The following HLF variants were observed in gnomAD, a reference collection of about 807,000 sequenced individuals.
HLF encodes hepatic leukemia factor.
Under a neutral mutation model 22.6 loss-of-function variants are expected in HLF, and 3 were observed. The observed-to-expected ratio is 0.13, with a 90% CI of 0.06 to 0.34. The LOEUF is 0.34. Among genes scored for constraint, HLF ranks in the 10% least tolerant of loss-of-function variants. The pLI is 1.00. For missense variants in HLF, 299 were observed against 389.2 expected, an observed-to-expected ratio of 0.77 and a Z score of 1.95; for synonymous variants, 151 against 151.8, an observed-to-expected ratio of 0.99 and a Z score of 0.04.
intron 2 of HLF, among the ~76,000 whole-genome samples, chr17:55,276,242 CAA>C (rs1171162681): frequency 2.6e-5 from 4 of 152,166 alleles, no homozygotes; most frequent in African/African-American, 9.7e-5. Flanking sequence ...GGAAGAGAGA[CAA>C]GAGTACAATT....
At chr17:55,305,348 A>G (rs1005714367) in intron 2 of HLF, among the ~76,000 whole-genome samples, 1 of 152,194 alleles carries the variant, frequency 6.6e-6, no homozygotes, top group Non-Finnish European at 1.5e-5. Context: ...AGAGGGAGGT[A>G]AAAGAAGGGA....
At chr17:55,273,951 C>G (rs1207707542) in intron 2 of HLF, among the ~76,000 whole-genome samples, 1 of 152,146 alleles carries the variant, frequency 6.6e-6, no homozygotes, top group African/African-American at 2.4e-5. Context: ...GCCTGTCTGC[C>G]CAGAGGCCCT....
At chr17:55,267,634 A>C (rs2080805767) in intron 1 of HLF, 117 bp from the exon 2 acceptor site, 1 of 679,860 alleles carries the variant, frequency 1.5e-6, no homozygotes, top group East Asian at 2.9e-5. Context: ...CAGCCAGAGA[A>C]GGACCCTGCC....
chr17:55,309,645 A>G (rs895747160), intron 2 of HLF, among the ~76,000 whole-genome samples: 3 of 152,144 alleles, frequency 2.0e-5, no homozygotes, highest in Non-Finnish European at 4.4e-5. Context: ...TCTAAAGGAA[A>G]CCCTTTGGCC....
Position 55,290,863 on chromosome 17 carries a change from C to G in HLF, c.451+22777C>G, listed in dbSNP as rs139006637. 5.4e-3 allele frequency among the ~76,000 whole-genome samples: 818 copies of G among 152,326 alleles called. 7 individuals are homozygous for G. Among genetic ancestry groups the G allele is most frequent in the African/African-American group, 0.019 (777 of 41,582 alleles). On this transcript the variant is annotated intron_variant, in intron 2 of 3. Transcript: ENST00000226067. ...AAGTTCTTGAAGGAAATTCAAAGCA[C>G]TACTCCAGTGAACACACAAATGATT...
chr17:55,322,809 C>T lies in HLF; in HGVS notation c.*1930C>T, dbSNP rs1257990360. On this transcript the variant is annotated 3_prime_UTR_variant, in exon 4 of 4. Coordinates refer to ENST00000226067, the MANE Select transcript of HLF (RefSeq NM_002126.5). ...CCCCAGACAGTTCTTTTCTACCCTG[C>T]GGGCCCGCACGTTTTATGAGGTTGA... 2.2e-5 allele frequency: 5 copies of T among 227,440 alleles called. No homozygotes were observed. Among genetic ancestry groups the T allele is most frequent in the South Asian group, 1.8e-4 (1 of 5,478 alleles). The allele number at this position is 227,440 out of a possible 1,614,324, so 14.1% of individuals were successfully genotyped here.
chr17:55,290,551 G>T (rs1285984521), intron 2 of HLF, among the ~76,000 whole-genome samples: 5 of 152,146 alleles, frequency 3.3e-5, no homozygotes, highest in Non-Finnish European at 1.5e-5. Context: ...CTTCATAAAT[G>T]TTACGTATGT....
At chr17:55,309,030 A>G (rs971643007) in intron 2 of HLF, among the ~76,000 whole-genome samples, 4 of 152,192 alleles carry the variant, frequency 2.6e-5, no homozygotes, top group Admixed American at 2.0e-4. Flanking sequence ...CTCAGAACTA[A>G]CACTATCATT....
In HLF at chr17:55,320,252, C is replaced by A. The variant is rs1598411880; in HGVS notation, c.673-412C>A. Reference sequence around the variant, plus strand: ...TTGATAGATATTGCCAAATTGCCTTCTAAAATTTTTGTACCAACTCATACC... The same window carrying A: ...TTGATAGATATTGCCAAATTGCCTTATAAAATTTTTGTACCAACTCATACC... On this transcript the variant is annotated intron_variant, in intron 3 of 3. Transcript: ENST00000226067. This position sits in a 1 kb window ranked among gnomAD's most constrained non-coding sequence, Gnocchi z 4.2. 6.6e-6 allele frequency among the ~76,000 whole-genome samples: 1 copy of A among 152,184 alleles called. No individual in the cohort carries two copies. The highest frequency in any genetic ancestry group is 2.4e-5 in the African/African-American group (1 of 41,448).
intron 2 of HLF, among the ~76,000 whole-genome samples, chr17:55,281,850 G>T (rs1057012036): frequency 6.6e-6 from 1 of 152,158 alleles, no homozygotes; most frequent in African/African-American, 2.4e-5. Flanking sequence ...TATCTCAGTG[G>T]CCAAAAACCA....
At chr17:55,269,877 C>A (rs1320272438) in intron 2 of HLF, among the ~76,000 whole-genome samples, 6 of 152,332 alleles carry the variant, frequency 3.9e-5, no homozygotes, top group Middle Eastern at 3.4e-3. Flanking sequence ...TTTTGACCAA[C>A]ACTTGTAATC....
chr17:55,265,178 G>T lies in HLF; in HGVS notation c.-307G>T. 2 of 254,534 alleles carry T rather than the reference G, an allele frequency of 7.9e-6. No homozygotes were observed. The highest frequency in any genetic ancestry group is 7.4e-6 in the Non-Finnish European group (1 of 134,404). The allele number at this position is 254,534 out of a possible 1,614,324, so 15.8% of individuals were successfully genotyped here. On this transcript the variant is annotated 5_prime_UTR_variant, in exon 1 of 4. Coordinates refer to ENST00000226067, the MANE Select transcript of HLF (RefSeq NM_002126.5). ...TTTTTTCTTTCTTTTTTTCAATTTT[G>T]AACATTTTGCAAAACGAGGGGTTCG...
chr17:55,292,783 C>T (rs1753830490), intron 2 of HLF, among the ~76,000 whole-genome samples: 1 of 152,124 alleles, frequency 6.6e-6, no homozygotes, highest in African/African-American at 2.4e-5. Flanking sequence ...ATATGGCATA[C>T]ATACACAATG....
At position 55,323,044 on chromosome 17, in the gene HLF, C is replaced by T. The variant is rs1474205656; in HGVS notation, c.*2165C>T. The T allele has an allele frequency of 4.5e-6, 1 of 220,268 alleles. No homozygotes were observed. Among genetic ancestry groups the T allele is most frequent in the Admixed American group, 5.8e-5 (1 of 17,302 alleles). The allele number at this position is 220,268 out of a possible 1,614,324, so 13.6% of individuals were successfully genotyped here. A position where few individuals can be genotyped will look rare whatever the true frequency, so the allele number is the denominator to read the frequency against. On this transcript the variant is annotated 3_prime_UTR_variant, in exon 4 of 4. Transcript: ENST00000226067. ...AATCCTTTAATGATCTGGTGGTCTC[C>T]TCGTCAATCCATCAGCAATGCTTCT...
At chr17:55,288,971 G>C (rs954934069) in intron 2 of HLF, 125 of 982,662 alleles carry the variant, frequency 1.3e-4, no homozygotes, top group Non-Finnish European at 1.4e-4. Context: ...TCTTAATTGG[G>C]ATTTTTAACT....
intron 2 of HLF, among the ~76,000 whole-genome samples, chr17:55,303,232 G>A (rs957720855): frequency 3.3e-5 from 5 of 152,178 alleles, no homozygotes; most frequent in African/African-American, 4.8e-5. Flanking sequence ...AGTGTGGCTT[G>A]AAATGGTCAT....
intron 2 of HLF, among the ~76,000 whole-genome samples, chr17:55,305,612 T>C (rs1904509994): frequency 1.3e-5 from 2 of 152,236 alleles, no homozygotes; most frequent in Non-Finnish European, 2.9e-5. Flanking sequence ...CCCCTGGCTT[T>C]CTAGCTGTAT....
At chr17:55,293,913 C>T (rs1310547645) in intron 2 of HLF, among the ~76,000 whole-genome samples, 1 of 152,140 alleles carries the variant, frequency 6.6e-6, no homozygotes, top group Non-Finnish European at 1.5e-5. Flanking sequence ...GCAACATATG[C>T]ACCTCTGGGG....
chr17:55,284,822 C>T (rs2080988235), intron 2 of HLF, among the ~76,000 whole-genome samples: 1 of 152,190 alleles, frequency 6.6e-6, no homozygotes, highest in Non-Finnish European at 1.5e-5. Context: ...CCACAGGGCA[C>T]AGTGAATTTG....
Sources: gnomAD v4.1 joint callset for allele counts (sites outside exome capture counted in the v4.1 genomes callset) on GRCh38, gnomAD v4.1.1 for gene constraint, Gnocchi (gnomAD v3.1) non-coding constraint, MANE v1.5 for transcripts, NCBI Gene and HGNC (gene_info 2026-07-23, HGNC 2026-07-21) for gene names.